CPED1: variants seen among roughly 807,000 people sequenced by gnomAD.
CPED1 encodes cadherin like and PC-esterase domain containing 1.
In CPED1, 114 loss-of-function variants were observed where a neutral mutation model predicts 128.2. The observed-to-expected ratio is 0.89, with a 90% confidence interval of 0.76 to 1.04. The LOEUF (loss-of-function observed/expected upper bound fraction) is 1.04, where lower values mean the gene tolerates loss of function less well. Among genes scored for constraint, CPED1 ranks in the 50% least tolerant of loss-of-function variants. CPED1 has a pLI of 0.00. For missense variants in CPED1, 1,211 were observed against 1,207.1 expected (o/e 1.00, Z -0.05); for synonymous variants, 462 against 426.7 (o/e 1.08, Z -1.02).
At chr7:121,259,811 A>G (rs1791969734) in intron 18 of CPED1, among the ~76,000 whole-genome samples, 1 of 152,058 alleles carries the variant, frequency 6.6e-6, no homozygotes, top group African/African-American at 2.4e-5. Context: ...GCAATTAAGA[A>G]AGGGAAATAT....
intron 18 of CPED1, 151 bp from the exon 19 acceptor site, chr7:121,266,076 A>G: frequency 1.6e-6 from 1 of 631,788 alleles, no homozygotes; most frequent in South Asian, 2.0e-5. Context: ...TTTGGGAGAG[A>G]ATATAATGAA....
chr7:121,160,115 T>TA lies in CPED1; in HGVS notation c.2055+17976dup, dbSNP rs397746469. 1.1e-4 allele frequency among the ~76,000 whole-genome samples: 16 copies of TA among 151,774 alleles called. No individual in the cohort carries two copies. The East Asian group carries it at 1.2e-3, about 11-fold the overall frequency. On this transcript the variant is annotated intron_variant, in intron 16 of 22. Coordinates refer to ENST00000310396, the MANE Select transcript of CPED1 (RefSeq NM_024913.5). Reference sequence around the variant, plus strand: ...CCAGATTCACCAAATTGTTTTTTTTTAATTTTTATTTAATTTTAAATGTTT... The same window carrying TA: ...CCAGATTCACCAAATTGTTTTTTTTTAAATTTTTATTTAATTTTAAATGTTT...
chr7:121,068,613 C>T (rs1176594524), intron 5 of CPED1, among the ~76,000 whole-genome samples: 1 of 150,798 alleles, frequency 6.6e-6, no homozygotes, highest in Non-Finnish European at 1.5e-5. Flanking sequence ...TTTTTGGTTC[C>T]ATATGAACTT....
At chr7:121,144,712 A>G (rs1795983884) in intron 16 of CPED1, among the ~76,000 whole-genome samples, 1 of 152,070 alleles carries the variant, frequency 6.6e-6, no homozygotes, top group African/African-American at 2.4e-5. Context: ...GAAATGACAC[A>G]TACTTGAGGT....
chr7:121,036,489 G>GTGTATATATA, intron 3 of CPED1, among the ~76,000 whole-genome samples: 1 of 138,658 alleles, frequency 7.2e-6, no homozygotes, highest in East Asian at 2.1e-4. Flanking sequence ...CATGGTGTGT[G>GTGTATATATA]TATATATATA....
At chr7:121,256,141 A>AAAAAAAAAAAAAAC (rs1791866950) in intron 18 of CPED1, among the ~76,000 whole-genome samples, 1 of 143,494 alleles carries the variant, frequency 7.0e-6, no homozygotes, top group African/African-American at 2.6e-5. Context: ...AAAAAAAAAA[A>AAAAAAAAAAAAAAC]CAAAGCTTAT....
intron 18 of CPED1, among the ~76,000 whole-genome samples, chr7:121,255,317 C>T (rs1798777235): frequency 6.6e-6 from 1 of 151,994 alleles, no homozygotes; most frequent in Admixed American, 6.6e-5. Context: ...GTCACATAAT[C>T]ATCTCAATAC....
intron 16 of CPED1, among the ~76,000 whole-genome samples, chr7:121,225,028 G>A (rs1797970308): frequency 6.6e-6 from 1 of 152,048 alleles, no homozygotes; most frequent in Middle Eastern, 3.4e-3. Flanking sequence ...GATGTTAGCT[G>A]GTTATTTTGC....
In CPED1 at chr7:121,140,921, T is replaced by A. The variant is rs200646117; in HGVS notation, c.1794T>A (p.Cys598Ter). 9.2e-5 allele frequency: 149 copies of A among 1,612,540 alleles called. No homozygotes were observed. The highest frequency in any genetic ancestry group is 1.2e-4 in the Non-Finnish European group (141 of 1,179,082). The change falls in exon 15 of 23, where the codon TGT (cysteine) becomes TGA (stop). Residue 598 changes from cysteine (C) to a stop codon, truncating the protein, a stop_gained. Transcript: ENST00000310396. LOFTEE classifies it high-confidence loss of function. ...DFHPKIKDYYCEVPFDVVTVT... is the reference protein window; with the variant it reads ...DFHPKIKDYY Reference sequence around the variant, plus strand: ...ATCCAAAGATCAAAGATTATTACTGTGAAGTCCCATTTGATGTGGTAACAG... The same window carrying A: ...ATCCAAAGATCAAAGATTATTACTGAGAAGTCCCATTTGATGTGGTAACAG...
rs548221323 is a variant in CPED1, at chr7:121,175,315, A to T, written c.2055+33174A>T. On this transcript the variant is annotated intron_variant, in intron 16 of 22. Coordinates refer to ENST00000310396, the MANE Select transcript of CPED1 (RefSeq NM_024913.5). ...GACAGTTTTCAAGGGGAATGCTTCC[A>T]GCTTTTCCCCATTCAATATGATGTT... 3.3e-5 allele frequency among the ~76,000 whole-genome samples: 5 copies of T among 152,272 alleles called. No homozygotes were observed. The South Asian group carries it at 1.0e-3, about 32-fold the overall frequency.
intron 16 of CPED1, among the ~76,000 whole-genome samples, chr7:121,186,730 C>T (rs1797013004): frequency 6.6e-6 from 1 of 152,092 alleles, no homozygotes; most frequent in Non-Finnish European, 1.5e-5. Flanking sequence ...TCTAGTGGTT[C>T]TGGTTTCATC....
At chr7:121,055,648 T>TA (rs1793478847) in intron 4 of CPED1, among the ~76,000 whole-genome samples, 4 of 151,186 alleles carry the variant, frequency 2.6e-5, no homozygotes, top group Admixed American at 2.0e-4. Flanking sequence ...TATAGTTCAG[T>TA]TTTTTTCTGT....
chr7:121,036,655 A>T (rs1792901633), intron 3 of CPED1, among the ~76,000 whole-genome samples: 1 of 151,998 alleles, frequency 6.6e-6, no homozygotes, highest in Non-Finnish European at 1.5e-5. Flanking sequence ...GTAGATACCT[A>T]GTAGTGGGAT....
intron 18 of CPED1, chr7:121,262,038 TTGG>T (rs1792030103): frequency 1.6e-5 from 5 of 305,188 alleles, no homozygotes; most frequent in South Asian, 1.5e-4. Context: ...CATGAATAGC[TTGG>T]TGCCTTCCCC....
chr7:121,213,148 C>A (rs1403943778), intron 16 of CPED1, among the ~76,000 whole-genome samples: 1 of 145,034 alleles, frequency 6.9e-6, no homozygotes, highest in Non-Finnish European at 1.5e-5. Context: ...GTTTCACAAA[C>A]ACAACCTTTG....
In CPED1 at chr7:121,292,327, G is replaced by A. The variant is rs527875302; in HGVS notation, c.2869-3113G>A. On this transcript the variant is annotated intron_variant, in intron 22 of 22. Coordinates refer to ENST00000310396, the MANE Select transcript of CPED1 (RefSeq NM_024913.5). ...GATTCGGTTATTGATACCTGTGTATGCTTCATGAAGTTCTCGTGCTGTGTT... is the reference window on the plus strand; with the variant it reads ...GATTCGGTTATTGATACCTGTGTATACTTCATGAAGTTCTCGTGCTGTGTT... Among the ~76,000 whole-genome samples the A allele has an allele frequency of 5.3e-5, 8 of 151,634 alleles. No individual in the cohort carries two copies. The South Asian group carries it at 1.5e-3, about 28-fold the overall frequency.
intron 2 of CPED1, among the ~76,000 whole-genome samples, chr7:121,009,378 T>G (rs1792103172): frequency 6.6e-6 from 1 of 152,058 alleles, no homozygotes; most frequent in Non-Finnish European, 1.5e-5. Context: ...CTGAGGCAGA[T>G]GGACTGCTTG....
At chr7:121,133,272 G>A (rs909452747) in intron 12 of CPED1, among the ~76,000 whole-genome samples, 10 of 151,944 alleles carry the variant, frequency 6.6e-5, no homozygotes, top group African/African-American at 2.4e-4. Flanking sequence ...GGGCAATCTG[G>A]CCAAGTATTT....
chr7:120,990,867 G>T (rs985381573), intron 2 of CPED1, among the ~76,000 whole-genome samples: 1 of 152,138 alleles, frequency 6.6e-6, no homozygotes, highest in African/African-American at 2.4e-5. Context: ...CGATTGACCA[G>T]CACCACTTCT....
Sources: allele counts gnomAD v4.1 joint callset (sites outside exome capture counted in the v4.1 genomes callset), GRCh38; gene constraint gnomAD v4.1.1; transcripts MANE v1.5; gene names NCBI Gene and HGNC (gene_info 2026-07-23, HGNC 2026-07-21).